Variants in LRMDA observed in about 807,000 individuals in gnomAD.
LRMDA encodes the protein leucine-rich melanocyte differentiation-associated protein.
In LRMDA, 18 loss-of-function variants were observed where a neutral mutation model predicts 29.8. The ratio of observed to expected loss-of-function variants is 0.60; its 90% CI spans 0.42 to 0.90. LRMDA has a LOEUF of 0.90. Among genes scored for constraint, LRMDA ranks in the 40% least tolerant of loss-of-function variants. The pLI is 0.00. For synonymous variants in LRMDA, 125 were observed against 109.4 expected (o/e 1.14, Z -0.89); for missense variants, 273 against 273.9 (o/e 1.00, Z 0.02).
chr10:76,184,840 A>G (rs1280279498), intron 5 of LRMDA, among the ~76,000 whole-genome samples: 2 of 152,224 alleles, frequency 1.3e-5, no homozygotes, highest in Non-Finnish European at 2.9e-5. Context: ...TAATTGGCCA[A>G]AATGGAACGA....
intron 5 of LRMDA, among the ~76,000 whole-genome samples, chr10:76,120,882 G>A (rs1849774051): frequency 6.6e-6 from 1 of 151,268 alleles, no homozygotes; most frequent in Admixed American, 6.6e-5. Flanking sequence ...ATCCAGGCTG[G>A]AGTGCAGTGG....
At chr10:76,269,815 A>T (rs1840046123) in intron 5 of LRMDA, among the ~76,000 whole-genome samples, 1 of 152,210 alleles carries the variant, frequency 6.6e-6, no homozygotes, top group Non-Finnish European at 1.5e-5. Flanking sequence ...TAAAGGTGGA[A>T]ATAAGTTCAG....
At chr10:76,248,190 G>A (rs1852410536) in intron 5 of LRMDA, among the ~76,000 whole-genome samples, 1 of 152,050 alleles carries the variant, frequency 6.6e-6, no homozygotes, top group Non-Finnish European at 1.5e-5. Context: ...GTACCCCCAG[G>A]GCAGGAGTAT....
At chr10:76,022,895 A>G (rs1356339074) in intron 2 of LRMDA, among the ~76,000 whole-genome samples, 1 of 152,168 alleles carries the variant, frequency 6.6e-6, no homozygotes, top group Non-Finnish European at 1.5e-5. Flanking sequence ...ACAATGGACA[A>G]TGCTGGGCAC....
chr10:75,841,632 T>C (rs181163202), intron 2 of LRMDA, among the ~76,000 whole-genome samples: 32 of 152,368 alleles, frequency 2.1e-4, no homozygotes, highest in Admixed American at 2.0e-3. Context: ...TCAAGCCTGG[T>C]GATGACAGTT....
intron 5 of LRMDA, among the ~76,000 whole-genome samples, chr10:76,219,379 G>T (rs1416672417): frequency 6.6e-6 from 1 of 152,078 alleles, no homozygotes. Flanking sequence ...CATCTCACGT[G>T]CAGAGACACA....
chr10:75,642,423 T>C (rs143458181), intron 2 of LRMDA: 48 of 152,326 alleles, frequency 3.2e-4, no homozygotes, highest in African/African-American at 1.2e-3. Context: ...CCGTTTGTGG[T>C]AGTGATTGCT....
At chr10:76,087,216 A>G (rs1225685391) in intron 5 of LRMDA, among the ~76,000 whole-genome samples, 2 of 152,276 alleles carry the variant, frequency 1.3e-5, no homozygotes, top group Non-Finnish European at 2.9e-5. Context: ...AACAGAGGTC[A>G]GGTACTAGCT....
intron 5 of LRMDA, among the ~76,000 whole-genome samples, chr10:76,302,352 A>G (rs1840491592): frequency 6.6e-6 from 1 of 152,160 alleles, no homozygotes; most frequent in Admixed American, 6.5e-5. Context: ...CATGTGTTTC[A>G]CTATCTTCCC....
Position 75,860,368 on chromosome 10 carries a change from C to CTGGAG in LRMDA, c.132-175637_132-175633dup, listed in dbSNP as rs1215444063. ...CAAGTGTCTTGCTCTTTTACCCAGG[C>CTGGAG]TGGAGTGCAGTGGCGCGATCTCTGC... On this transcript the variant is annotated intron_variant, in intron 2 of 6. Transcript: ENST00000611255. Among the ~76,000 whole-genome samples the CTGGAG allele has an allele frequency of 2.4e-4, 30 of 127,588 alleles. 1 individual carries two copies. In the East Asian group the frequency reaches 7.4e-3, roughly 31 times the overall value. The allele number at this position is 127,588 out of a possible 152,430, so 83.7% of individuals were successfully genotyped here.
intron 2 of LRMDA, among the ~76,000 whole-genome samples, chr10:75,516,952 A>C (rs1845297156): frequency 6.6e-6 from 1 of 152,162 alleles, no homozygotes; most frequent in African/African-American, 2.4e-5. Flanking sequence ...TTTATGAAAT[A>C]GGGAATCGTT....
intron 5 of LRMDA, among the ~76,000 whole-genome samples, chr10:76,152,544 T>C (rs1460228970): frequency 6.6e-6 from 1 of 152,200 alleles, no homozygotes; most frequent in Non-Finnish European, 1.5e-5. Flanking sequence ...ATTATATACT[T>C]AGGAGTGGAA....
At chr10:76,314,299 T>C (rs1468513330) in intron 5 of LRMDA, among the ~76,000 whole-genome samples, 1 of 152,228 alleles carries the variant, frequency 6.6e-6, no homozygotes, top group African/African-American at 2.4e-5. Flanking sequence ...CTCCAACTCC[T>C]GGGCTCAAGT....
intron 6 of LRMDA, among the ~76,000 whole-genome samples, chr10:76,542,547 C>T (rs1589231209): frequency 1.3e-5 from 2 of 152,154 alleles, no homozygotes; most frequent in African/African-American, 4.8e-5. Flanking sequence ...TGGATGTCTG[C>T]GTTCAGTGAG....
At chr10:75,655,471 C>A (rs1013261837) in intron 2 of LRMDA, among the ~76,000 whole-genome samples, 3 of 152,218 alleles carry the variant, frequency 2.0e-5, no homozygotes, top group African/African-American at 7.2e-5. Context: ...TGGAGACCAT[C>A]AGGAGACCAT....
chr10:76,017,422 C>A (rs1206603844), intron 2 of LRMDA, among the ~76,000 whole-genome samples: 2 of 152,222 alleles, frequency 1.3e-5, no homozygotes, highest in Non-Finnish European at 2.9e-5. Flanking sequence ...GAATGTGAGA[C>A]AAATTTATCT....
intron 6 of LRMDA, among the ~76,000 whole-genome samples, chr10:76,487,362 GA>G (rs1179997209): frequency 6.6e-6 from 1 of 151,828 alleles, no homozygotes; most frequent in Non-Finnish European, 1.5e-5. Flanking sequence ...CAACAGAAAT[GA>G]AAAATACAGG....
intron 6 of LRMDA, among the ~76,000 whole-genome samples, chr10:76,325,832 A>G (rs1840827566): frequency 6.6e-6 from 1 of 152,218 alleles, no homozygotes; most frequent in Admixed American, 6.5e-5. Flanking sequence ...GAATAGGGCA[A>G]ATATCATCTG....
chr10:76,309,057 T>G (rs1840596459), intron 5 of LRMDA, among the ~76,000 whole-genome samples: 1 of 152,138 alleles, frequency 6.6e-6, no homozygotes, highest in South Asian at 2.1e-4. Context: ...GATTTAAATT[T>G]GCCTTTGCCC....
Sources: allele counts gnomAD v4.1 joint callset (sites outside exome capture counted in the v4.1 genomes callset), GRCh38; gene constraint gnomAD v4.1.1; transcripts MANE v1.5; gene names NCBI Gene and HGNC (gene_info 2026-07-23, HGNC 2026-07-21).